Variants in TENM3 observed in about 807,000 individuals in gnomAD.
The protein encoded by TENM3 is teneurin transmembrane protein 3, also known as teneurin-3.
Under a neutral mutation model 255.1 loss-of-function variants are expected in TENM3, and 63 were observed. The ratio of observed to expected loss-of-function variants is 0.25; its 90% confidence interval spans 0.20 to 0.30. The LOEUF is 0.30. Among genes scored for constraint, TENM3 ranks in the 10% least tolerant of loss-of-function variants. TENM3 has a pLI of 1.00. For missense variants in TENM3, 2,929 were observed against 3,461.1 expected (o/e 0.85, Z 3.86); for synonymous variants, 1,306 against 1,322.3 (o/e 0.99, Z 0.27).
the TENM3 span, among the ~76,000 whole-genome samples, chr4:181,783,949 C>A: frequency 6.6e-6 from 1 of 152,162 alleles, no homozygotes; most frequent in South Asian, 2.1e-4. Context: ...AGTCCTCCAG[C>A]CTTGGCCTCC....
the TENM3 span, among the ~76,000 whole-genome samples, chr4:181,728,201 C>T: frequency 0.79 from 120,917 of 152,100 alleles, 48,580 homozygotes; most frequent in Admixed American, 0.86. Context: ...GTGTCTCAGT[C>T]GAATGGCCAA....
chr4:181,985,530 G>T, the TENM3 span, among the ~76,000 whole-genome samples: 1 of 152,106 alleles, frequency 6.6e-6, no homozygotes, highest in Non-Finnish European at 1.5e-5. Flanking sequence ...AGAGCCAGCA[G>T]AGAATCTGAT....
intron 4 of TENM3, among the ~76,000 whole-genome samples, chr4:182,626,289 T>C (rs967612971): frequency 2.0e-5 from 3 of 152,222 alleles, no homozygotes; most frequent in African/African-American, 4.8e-5. Context: ...GAATTAATTT[T>C]GTACACATTC....
At chr4:181,540,223 C>T in the TENM3 span, among the ~76,000 whole-genome samples, 19 of 151,804 alleles carry the variant, frequency 1.3e-4, no homozygotes, top group South Asian at 6.2e-4. Flanking sequence ...ATTGGAGCAA[C>T]GAATTAAAGT....
the TENM3 span, among the ~76,000 whole-genome samples, chr4:181,725,142 C>G: frequency 6.6e-6 from 1 of 152,150 alleles, no homozygotes; most frequent in Non-Finnish European, 1.5e-5. Context: ...TTTAGCTTAG[C>G]GTTCAGCATC....
At chr4:182,272,022 C>T (rs991134768) in intron 1 of TENM3, among the ~76,000 whole-genome samples, 2 of 152,204 alleles carry the variant, frequency 1.3e-5, no homozygotes, top group Admixed American at 6.5e-5. Context: ...TGTCTCCACA[C>T]AGCTCTCAAC....
intron 1 of TENM3, among the ~76,000 whole-genome samples, chr4:182,226,738 G>T (rs1251856677): frequency 1.3e-5 from 2 of 152,120 alleles, no homozygotes; most frequent in African/African-American, 4.8e-5. Context: ...TGTTAGGGAG[G>T]TCATGCAATA....
the TENM3 span, among the ~76,000 whole-genome samples, chr4:181,955,458 C>G: frequency 6.6e-6 from 1 of 152,094 alleles, no homozygotes; most frequent in East Asian, 1.9e-4. Flanking sequence ...AAGACTATAC[C>G]AGGCAGAGGG....
chr4:181,741,726 G>T, the TENM3 span, among the ~76,000 whole-genome samples: 1 of 152,264 alleles, frequency 6.6e-6, no homozygotes, highest in South Asian at 2.1e-4. Context: ...TAGGATGAGC[G>T]AGGGCCACCC....
At chr4:182,196,675 T>C (rs17072846) in intron 1 of TENM3, among the ~76,000 whole-genome samples, 17,049 of 152,214 alleles carry the variant, frequency 0.11, 1,143 homozygotes, top group African/African-American at 0.18. Context: ...CTGCTGAAGA[T>C]TCTAGAAGCT....
the TENM3 span, among the ~76,000 whole-genome samples, chr4:181,544,949 G>T: frequency 6.6e-6 from 1 of 152,208 alleles, no homozygotes; most frequent in Non-Finnish European, 1.5e-5. Context: ...GCAGCTAGAA[G>T]CAGATGAAAT....
At chr4:182,139,662 C>T (rs145464735), upstream of TENM3, among the ~76,000 whole-genome samples, 4 of 152,318 alleles carry the variant, frequency 2.6e-5, no homozygotes, top group East Asian at 5.8e-4. Context: ...GTTTTAAATA[C>T]GTTCACAGAG....
the TENM3 span, among the ~76,000 whole-genome samples, chr4:181,946,388 T>C: frequency 6.6e-6 from 1 of 152,170 alleles, no homozygotes; most frequent in Non-Finnish European, 1.5e-5. Context: ...ATATCTCACA[T>C]CTCAGTTTAT....
chr4:182,294,499 T>C (rs1561290496), intron 1 of TENM3, among the ~76,000 whole-genome samples: 1 of 152,140 alleles, frequency 6.6e-6, no homozygotes, highest in Non-Finnish European at 1.5e-5. Context: ...GGGGAAAAAG[T>C]TGACCAAAGT....
At chr4:182,011,187 A>G in the TENM3 span, among the ~76,000 whole-genome samples, 203 of 152,230 alleles carry the variant, frequency 1.3e-3, 4 homozygotes, top group East Asian at 0.032. Flanking sequence ...GAAAGTGTCC[A>G]CTCATATTTC....
chr4:181,606,399 A>T, the TENM3 span, among the ~76,000 whole-genome samples: 1 of 151,788 alleles, frequency 6.6e-6, no homozygotes, highest in Non-Finnish European at 1.5e-5. Flanking sequence ...CAGCCCCAGG[A>T]CCTCTGCAGG....
intron 2 of TENM3, among the ~76,000 whole-genome samples, chr4:182,327,114 A>G (rs1330778402): frequency 2.0e-5 from 3 of 152,202 alleles, no homozygotes; most frequent in Non-Finnish European, 4.4e-5. Flanking sequence ...AAATCCTTCC[A>G]GGCTTTCATT....
At chr4:182,026,236 G>A in the TENM3 span, among the ~76,000 whole-genome samples, 1 of 152,080 alleles carries the variant, frequency 6.6e-6, no homozygotes, top group Non-Finnish European at 1.5e-5. Flanking sequence ...ATGGACATTT[G>A]GGTTGGTGCC....
At chr4:181,956,233 T>G in the TENM3 span, among the ~76,000 whole-genome samples, 5 of 152,090 alleles carry the variant, frequency 3.3e-5, no homozygotes, top group African/African-American at 4.8e-5. Flanking sequence ...AGGCCCCAGC[T>G]CCCAATACCA....
Sources: gnomAD v4.1 joint callset for allele counts (sites outside exome capture counted in the v4.1 genomes callset) on GRCh38, gnomAD v4.1.1 for gene constraint, MANE v1.5 for transcripts, NCBI Gene and HGNC (gene_info 2026-07-23, HGNC 2026-07-21) for gene names.